The following FRZB variants were observed in gnomAD, a reference collection of about 807,000 sequenced individuals.
The protein encoded by FRZB is secreted frizzled-related protein 3.
A neutral mutation model predicts 32.5 loss-of-function variants in FRZB; 34 were observed. That is an observed-to-expected ratio of 1.05 (90% CI 0.80 to 1.39). The LOEUF is 1.39. FRZB is among the 40% of genes most tolerant of loss of function. The pLI, the probability that FRZB is intolerant of heterozygous loss-of-function variation, is 0.00. For missense variants in FRZB, 423 were observed against 424.8 expected (o/e 1.00, Z 0.04); for synonymous variants, 170 against 159.2 (o/e 1.07, Z -0.51).
At chr2:182,843,697 G>T (rs956274576) in intron 2 of FRZB, among the ~76,000 whole-genome samples, 24 of 152,098 alleles carry the variant, frequency 1.6e-4, no homozygotes, top group Admixed American at 7.9e-4. Context: ...CCAACATGGT[G>T]GGGGAAAAAA....
intron 1 of FRZB, among the ~76,000 whole-genome samples, chr2:182,861,117 T>G (rs1385054276): frequency 1.3e-5 from 2 of 152,224 alleles, no homozygotes; most frequent in African/African-American, 4.8e-5. Flanking sequence ...AAGCCACCTT[T>G]TATTCTCTTA....
chr2:182,866,154 G>T lies in FRZB; in HGVS notation c.399C>A (p.Asn133Lys), dbSNP rs1376662252. The change falls in exon 1 of 6, where the codon AAC becomes AAA. Residue 133 changes from asparagine to lysine, a missense_variant. Coordinates refer to ENST00000295113, the MANE Select transcript of FRZB (RefSeq NM_001463.4). The surrounding 1 kb of genome is among the most constrained non-coding windows in gnomAD (Gnocchi z 4.5). Reference sequence around the variant, plus strand: ...ACACTGGCAGCTCCTCGCAGGCCAGGTTCTCCGGCCACGAGTGGCGGTACT... The same window carrying T: ...ACACTGGCAGCTCCTCGCAGGCCAGTTTCTCCGGCCACGAGTGGCGGTACT... ...LIKYRHSWPE[N>K]LACEELPVYD... The T allele has an allele frequency of 2.5e-6, 4 of 1,614,146 alleles. No homozygotes were observed. Among genetic ancestry groups the T allele is most frequent in the Middle Eastern group, 1.6e-4 (1 of 6,062 alleles).
At chr2:182,848,009 A>C (rs1574985157) in intron 2 of FRZB, among the ~76,000 whole-genome samples, 1 of 152,046 alleles carries the variant, frequency 6.6e-6, no homozygotes, top group Non-Finnish European at 1.5e-5. Context: ...CACATAGACA[A>C]GAAGGCCAGA....
chr2:182,864,973 A>G (rs1695874626), intron 1 of FRZB, among the ~76,000 whole-genome samples: 1 of 152,250 alleles, frequency 6.6e-6, no homozygotes, highest in Admixed American at 6.5e-5. Flanking sequence ...GTTAGTTGGT[A>G]GAAGTAATAC....
rs1485428728 is a variant in FRZB, at chr2:182,838,020, T to C, written c.798-9A>G. 6.2e-7 allele frequency: 1 copy of C among 1,608,074 alleles called. No homozygotes were observed. The highest frequency in any genetic ancestry group is 2.2e-5 in the East Asian group (1 of 44,794). On this transcript the variant is annotated splice_polypyrimidine_tract_variant and intron_variant, in intron 4 of 5. Transcript: ENST00000295113. ...CTTCCACCAAGAGTAATCTGTATTTTTGAAAGAAGCAAACATTTTTGAAAA... is the reference window on the plus strand; with the variant it reads ...CTTCCACCAAGAGTAATCTGTATTTCTGAAAGAAGCAAACATTTTTGAAAA...
At chr2:182,838,171 C>T (rs536039513) in intron 4 of FRZB, among the ~76,000 whole-genome samples, 160 bp from the exon 5 acceptor site, 2 of 152,016 alleles carry the variant, frequency 1.3e-5, no homozygotes, top group East Asian at 3.9e-4. Context: ...AGTCACAGAC[C>T]CCTTTAAGAA....
intron 4 of FRZB, 29 bp from the exon 5 acceptor site, chr2:182,838,040 TG>T: frequency 6.3e-7 from 1 of 1,583,144 alleles, no homozygotes; most frequent in Non-Finnish European, 8.7e-7. Flanking sequence ...CAAACATTTT[TG>T]AAAAATTAAA....
Position 182,854,770 on chromosome 2 carries a change from C to A in FRZB, c.526+4016G>T, listed in dbSNP as rs569227344. Among the ~76,000 whole-genome samples, 6 of 152,342 alleles carry A rather than the reference C, an allele frequency of 3.9e-5. 1 individual carries two copies. The highest frequency in any genetic ancestry group is 1.4e-4 in the African/African-American group (6 of 41,584). On this transcript the variant is annotated intron_variant, in intron 2 of 5. Transcript: ENST00000295113. ...CTCTCTCTCTTTCTCTGTCCTCCCA[C>A]CACTTGGCCCCATAGGAAGGAGCAG...
chr2:182,850,078 T>C (rs1559049058), intron 2 of FRZB, among the ~76,000 whole-genome samples: 1 of 152,370 alleles, frequency 6.6e-6, no homozygotes, highest in Non-Finnish European at 1.5e-5. Flanking sequence ...ATATTGTGCC[T>C]GATACGAGTA....
At position 182,838,549 on chromosome 2, in the gene FRZB, C is replaced by T. The variant is rs1695553095; in HGVS notation, c.657G>A (p.Val219=). The change falls in exon 4 of 6, where the codon GTG becomes GTA. Residue 219 remains valine (V), a synonymous_variant. Coordinates refer to ENST00000295113, the MANE Select transcript of FRZB (RefSeq NM_001463.4). ...CCAGAGAGGACTTTAGAATCTCCTT[C>T]ACCTCCACTACTGCAGTCACATCAT... ...KCHDVTAVVE[V]KEILKSSLVN... The T allele has an allele frequency of 1.2e-6, 2 of 1,612,982 alleles. No individual in the cohort carries two copies. Among genetic ancestry groups the T allele is most frequent in the Non-Finnish European group, 1.7e-6 (2 of 1,179,224 alleles).
intron 1 of FRZB, among the ~76,000 whole-genome samples, chr2:182,860,695 C>A (rs1185958986): frequency 6.6e-6 from 1 of 151,948 alleles, no homozygotes; most frequent in African/African-American, 2.4e-5. Flanking sequence ...GGCGAAAACC[C>A]ATCTCTAACA....
At chr2:182,852,758 A>ATATTACACGCTATGGCC (rs1695723903) in intron 2 of FRZB, among the ~76,000 whole-genome samples, 2 of 152,232 alleles carry the variant, frequency 1.3e-5, no homozygotes, top group Non-Finnish European at 2.9e-5. Context: ...GTTTTCCTCC[A>ATATTACACGCTATGGCC]TATTACACGC....
At chr2:182,852,251 A>T (rs1280570804) in intron 2 of FRZB, among the ~76,000 whole-genome samples, 1 of 152,164 alleles carries the variant, frequency 6.6e-6, no homozygotes, top group Non-Finnish European at 1.5e-5. Flanking sequence ...TCATGTCAGC[A>T]AAAGTGGGAG....
chr2:182,836,048 A>G (rs968344939), intron 5 of FRZB, among the ~76,000 whole-genome samples: 2 of 152,126 alleles, frequency 1.3e-5, no homozygotes, highest in African/African-American at 4.8e-5. Context: ...TTTTTCTGTT[A>G]CTGAAGGTAA....
At chr2:182,864,769 A>T (rs1695871803) in intron 1 of FRZB, among the ~76,000 whole-genome samples, 1 of 152,136 alleles carries the variant, frequency 6.6e-6, no homozygotes, top group African/African-American at 2.4e-5. Context: ...TGGACTGGGG[A>T]CATGCGCCTA....
intron 2 of FRZB, among the ~76,000 whole-genome samples, chr2:182,856,874 T>C (rs954400903): frequency 6.6e-6 from 1 of 150,452 alleles, no homozygotes; most frequent in Non-Finnish European, 1.5e-5. Flanking sequence ...GGAGACCTAA[T>C]CACCCTTCTC....
At chr2:182,846,498 G>A (rs970599400) in intron 2 of FRZB, among the ~76,000 whole-genome samples, 2 of 152,154 alleles carry the variant, frequency 1.3e-5, no homozygotes, top group African/African-American at 4.8e-5. Flanking sequence ...TGGGGAAGGA[G>A]AGAAGAAAAT....
At position 182,838,391 on chromosome 2, in the gene FRZB, C is replaced by G; in HGVS notation, c.797+18G>C. On this transcript the variant is annotated intron_variant, in intron 4 of 5. Transcript: ENST00000295113. ...GATAAGCAAAGTAGTTATTCTGTAT[C>G]CTTAAAGAGTGAATTACCTGGAACG... is the stretch of plus-strand genomic sequence containing the variant. 6.3e-7 allele frequency: 1 copy of G among 1,584,682 alleles called. No homozygotes were observed.
chr2:182,853,791 C>A (rs1695735494), intron 2 of FRZB, among the ~76,000 whole-genome samples: 1 of 152,142 alleles, frequency 6.6e-6, no homozygotes, highest in Non-Finnish European at 1.5e-5. Context: ...GCAGGACATA[C>A]TCACCAAAAT....
Sources: allele counts gnomAD v4.1 joint callset (sites outside exome capture counted in the v4.1 genomes callset), GRCh38; gene constraint gnomAD v4.1.1; non-coding constraint Gnocchi (gnomAD v3.1); transcripts MANE v1.5; gene names NCBI Gene and HGNC (gene_info 2026-07-23, HGNC 2026-07-21).